Variants in KIAA1586 observed in about 807,000 individuals in gnomAD.
KIAA1586 encodes E3 SUMO-protein ligase KIAA1586.
Under a neutral mutation model 6.1 loss-of-function variants are expected in KIAA1586, and 5 were observed. The observed-to-expected ratio is 0.82, with a 90% confidence interval of 0.43 to 1.73. The LOEUF is 1.73. KIAA1586 is among the 40% of genes most tolerant of loss of function. The pLI, the probability that KIAA1586 is intolerant of heterozygous loss-of-function variation, is 0.02. For synonymous variants in KIAA1586, 280 were observed against 301.7 expected, an observed-to-expected ratio of 0.93 and a Z score of 0.75; for missense variants, 899 against 878.2, an observed-to-expected ratio of 1.02 and a Z score of -0.30.
rs754751249 is a variant in KIAA1586 at position 57,052,760 on chromosome 6, C to T, written c.261C>T (p.Asp87=). The T allele has an allele frequency of 6.2e-7, 1 of 1,608,094 alleles. No homozygotes were observed. The part of the protein sequence containing the change: ...HFLNVKKVKT[D]TENNEVSKNH... ...TAAATGTGAAGAAGGTGAAAACAGA[C>T]ACAGAAAATAATGAAGTGAGCAAAA... Residue 87 remains aspartate, a synonymous_variant, in exon 4 of 4, where the codon GAC becomes GAT. Transcript: ENST00000370733.
the KIAA1586 span, among the ~76,000 whole-genome samples, chr6:57,062,763 T>G: frequency 1.3e-5 from 2 of 152,028 alleles, no homozygotes; most frequent in African/African-American, 4.8e-5. Flanking sequence ...GTAAAAATAT[T>G]TTTGTGGCCG....
At position 57,054,025 on chromosome 6, in the gene KIAA1586, C is replaced by T; in HGVS notation, c.1526C>T (p.Ser509Phe). The change falls in exon 4 of 4, where the codon TCT becomes TTT. Residue 509 changes from serine (S) to phenylalanine (F), a missense_variant. Transcript: ENST00000370733. ...YPILYMHFSH[S>F]YSGLAKRLAN... The stretch of plus-strand genomic sequence containing the variant: ...ATATTATATATGCATTTTTCTCATT[C>T]TTACTCTGGTTTGGCGAAGAGATTA... The T allele has an allele frequency of 6.2e-7, 1 of 1,610,170 alleles. No homozygotes were observed. Among genetic ancestry groups the T allele is most frequent in the Non-Finnish European group, 8.5e-7 (1 of 1,178,324 alleles).
At chr6:57,057,549 G>C (rs1828516678), downstream of KIAA1586, among the ~76,000 whole-genome samples, 1 of 152,098 alleles carries the variant, frequency 6.6e-6, no homozygotes, top group Non-Finnish European at 1.5e-5. Context: ...GAGGTCAGGA[G>C]TTCGAGACCA....
the KIAA1586 span, among the ~76,000 whole-genome samples, chr6:57,062,622 C>T: frequency 1.3e-5 from 2 of 152,146 alleles, no homozygotes; most frequent in Admixed American, 1.3e-4. Context: ...TCAAAGTACA[C>T]AAATATATCC....
chr6:57,048,595 C>G (rs1314692146), intron 2 of KIAA1586, among the ~76,000 whole-genome samples: 1 of 152,134 alleles, frequency 6.6e-6, no homozygotes, highest in African/African-American at 2.4e-5. Flanking sequence ...AACTTGAAAT[C>G]AAAGAGCAAT....
intron 2 of KIAA1586, among the ~76,000 whole-genome samples, chr6:57,049,702 A>G (rs898103496): frequency 6.6e-6 from 1 of 152,156 alleles, no homozygotes; most frequent in African/African-American, 2.4e-5. Flanking sequence ...TCTTGTTTGT[A>G]TTCTTCCCAC....
chr6:57,066,493 TA>T, the KIAA1586 span, among the ~76,000 whole-genome samples: 5 of 152,184 alleles, frequency 3.3e-5, no homozygotes, highest in Non-Finnish European at 5.9e-5. Context: ...GATAGCTACA[TA>T]ACAGTCTGAT....
rs1828479152 is a variant in KIAA1586, at chr6:57,055,221, T to A, written c.*358T>A. The A allele has an allele frequency of 6.4e-6, 1 of 156,818 alleles. No individual in the cohort carries two copies. Among genetic ancestry groups the A allele is most frequent in the South Asian group, 2.0e-4 (1 of 5,106 alleles). The allele number at this position is 156,818 out of a possible 1,614,324, so 9.7% of individuals were successfully genotyped here. Reference sequence around the variant, plus strand: ...AATAAAAGAGAAATGGAATAAAAACTGTAAGCCTTTTGGCTCTTGTCTTTC... The same window carrying A: ...AATAAAAGAGAAATGGAATAAAAACAGTAAGCCTTTTGGCTCTTGTCTTTC... On this transcript the variant is annotated 3_prime_UTR_variant, in exon 4 of 4. Coordinates refer to ENST00000370733, the MANE Select transcript of KIAA1586 (RefSeq NM_020931.4).
At chr6:57,060,781 T>C in the KIAA1586 span, among the ~76,000 whole-genome samples, 7 of 152,128 alleles carry the variant, frequency 4.6e-5, 1 homozygote, top group African/African-American at 1.7e-4. Context: ...AAAATTGTTA[T>C]TGAATGGGAA....
chr6:57,056,811 T>A (rs1216718703), downstream of KIAA1586, among the ~76,000 whole-genome samples: 7 of 151,894 alleles, frequency 4.6e-5, 1 homozygote, highest in African/African-American at 1.7e-4. Context: ...GTGCTGGGAT[T>A]ATAGGCATGA....
downstream of KIAA1586, among the ~76,000 whole-genome samples, chr6:57,055,436 A>T (rs555120546): frequency 1.4e-4 from 21 of 151,964 alleles, no homozygotes; most frequent in East Asian, 3.9e-3. Context: ...CTTGCATAAG[A>T]TATGGTTGTT....
Position 57,053,154 on chromosome 6 carries a change from A to G in KIAA1586, c.655A>G (p.Ile219Val), listed in dbSNP as rs1360298285. The G allele has an allele frequency of 1.2e-6, 2 of 1,610,778 alleles. No homozygotes were observed. Among genetic ancestry groups the G allele is most frequent in the African/African-American group, 1.3e-5 (1 of 74,766 alleles). ...TGATGTTTCTAAAGCCCATGGTAAA[A>G]TTCAGGATTTGTTAAAGGAATCAAC... The part of the protein sequence containing the change: ...EHDVSKAHGK[I>V]QDLLKESTND... The change falls in exon 4 of 4, where the codon ATT (isoleucine) becomes GTT (valine). Residue 219 changes from isoleucine (I) to valine (V), a missense_variant. By Grantham distance (29) the Ile-to-Val change is conservative. Coordinates refer to ENST00000370733, the MANE Select transcript of KIAA1586 (RefSeq NM_020931.4).
Position 57,054,576 on chromosome 6 carries a change from G to A in KIAA1586, c.2077G>A (p.Ala693Thr), listed in dbSNP as rs373024266. 3.7e-6 allele frequency: 6 copies of A among 1,608,102 alleles called. No homozygotes were observed. In the African/African-American group the frequency reaches 8.0e-5, roughly 22 times the overall value. ...NVSIPTTIYK[A>T]KKIVSTIAIN... ...TTCAATTCCTACAACTATATACAAA[G>A]CTAAAAAGATAGTTAGCACCATTGC... The change falls in exon 4 of 4, where the codon GCT (alanine) becomes ACT (threonine). Residue 693 changes from alanine to threonine, a missense_variant. Ala to Thr is a moderately conservative substitution (Grantham distance 58, BLOSUM62 0). Coordinates refer to ENST00000370733, the MANE Select transcript of KIAA1586 (RefSeq NM_020931.4).
intron 2 of KIAA1586, among the ~76,000 whole-genome samples, chr6:57,049,892 G>C (rs1431553703): frequency 6.6e-6 from 1 of 152,144 alleles, no homozygotes; most frequent in Non-Finnish European, 1.5e-5. Context: ...CTCAGAGTTT[G>C]ATGTTTGGCT....
At chr6:57,066,012 C>T in the KIAA1586 span, among the ~76,000 whole-genome samples, 1 of 151,826 alleles carries the variant, frequency 6.6e-6, no homozygotes, top group East Asian at 1.9e-4. Flanking sequence ...TGTGGTGGCT[C>T]ATGCCTGTAA....
the KIAA1586 span, among the ~76,000 whole-genome samples, chr6:57,066,511 T>A: frequency 6.6e-6 from 1 of 152,120 alleles, no homozygotes; most frequent in Non-Finnish European, 1.5e-5. Context: ...TGATACTGAG[T>A]CTTATGGTTT....
intron 3 of KIAA1586, among the ~76,000 whole-genome samples, chr6:57,051,068 T>TA (rs1828312427): frequency 6.6e-6 from 1 of 150,980 alleles, no homozygotes; most frequent in African/African-American, 2.5e-5. Context: ...CCATCTCTAC[T>TA]AAAAATACAA....
intron 2 of KIAA1586, among the ~76,000 whole-genome samples, chr6:57,050,477 C>A (rs1828291047): frequency 6.6e-6 from 1 of 151,204 alleles, no homozygotes; most frequent in Non-Finnish European, 1.5e-5. Flanking sequence ...GCCACCGTAC[C>A]CATCTGATTT....
At chr6:57,060,205 G>T (rs1160547426), downstream of KIAA1586, among the ~76,000 whole-genome samples, 1 of 152,252 alleles carries the variant, frequency 6.6e-6, no homozygotes, top group Non-Finnish European at 1.5e-5. Context: ...TAGTGTCATT[G>T]TTGTGTTATC....
Sources: allele counts gnomAD v4.1 joint callset (sites outside exome capture counted in the v4.1 genomes callset), GRCh38; gene constraint gnomAD v4.1.1; transcripts MANE v1.5; gene names NCBI Gene and HGNC (gene_info 2026-07-23, HGNC 2026-07-21).